Variants in KCNQ5 observed in about 807,000 individuals in gnomAD.
KCNQ5 encodes potassium voltage-gated channel subfamily KQT member 5.
A neutral mutation model predicts 98.2 loss-of-function variants in KCNQ5; 30 were observed. The observed-to-expected ratio is 0.31, with a 90% CI of 0.23 to 0.41. The LOEUF (loss-of-function observed/expected upper bound fraction) is 0.41. Ranked by LOEUF, KCNQ5 falls within the 10% of genes least tolerant of loss-of-function variation. The pLI is 1.00. For synonymous variants in KCNQ5, 458 were observed against 449.4 expected (o/e 1.02, Z -0.24); for missense variants, 835 against 1,182.5 (o/e 0.71, Z 4.31).
At chr6:72,960,695 G>C (rs1287768102) in intron 1 of KCNQ5, among the ~76,000 whole-genome samples, 1 of 152,174 alleles carries the variant, frequency 6.6e-6, no homozygotes, top group Non-Finnish European at 1.5e-5. Flanking sequence ...CAAAGTGCTG[G>C]GATTACAGGT....
chr6:72,922,122 T>C (rs1582021637), intron 1 of KCNQ5, among the ~76,000 whole-genome samples: 2 of 152,194 alleles, frequency 1.3e-5, no homozygotes, highest in African/African-American at 4.8e-5. Context: ...TTCGTATTTG[T>C]GGACATATTT....
chr6:72,919,891 T>G (rs1780316064), intron 1 of KCNQ5, among the ~76,000 whole-genome samples: 1 of 152,150 alleles, frequency 6.6e-6, no homozygotes, highest in South Asian at 2.1e-4. Context: ...GTTTGTCTGT[T>G]TGTCTGTTGC....
intron 1 of KCNQ5, among the ~76,000 whole-genome samples, chr6:72,649,211 G>A (rs1168365009): frequency 1.3e-5 from 2 of 152,076 alleles, no homozygotes; most frequent in African/African-American, 4.8e-5. Flanking sequence ...CTGTTGATGC[G>A]AAGCTAAGGT....
chr6:72,854,862 A>G (rs1158423548), intron 1 of KCNQ5, among the ~76,000 whole-genome samples: 4 of 151,050 alleles, frequency 2.6e-5, no homozygotes, highest in Non-Finnish European at 5.9e-5. Context: ...CAATTTTCCA[A>G]TTCTAATTAC....
intron 10 of KCNQ5, among the ~76,000 whole-genome samples, chr6:73,165,401 G>C (rs1777755749): frequency 6.6e-6 from 1 of 152,166 alleles, no homozygotes; most frequent in Non-Finnish European, 1.5e-5. Context: ...CAGCCACCCA[G>C]CCTGTATATG....
At chr6:73,115,660 T>C (rs1775460297) in intron 7 of KCNQ5, among the ~76,000 whole-genome samples, 1 of 152,204 alleles carries the variant, frequency 6.6e-6, no homozygotes, top group Non-Finnish European at 1.5e-5. Flanking sequence ...CCTAGAACTC[T>C]ATATCCAGCC....
chr6:72,817,754 C>CGTG (rs1443299283), intron 1 of KCNQ5, among the ~76,000 whole-genome samples: 1 of 151,910 alleles, frequency 6.6e-6, no homozygotes, highest in Non-Finnish European at 1.5e-5. Context: ...ATTAGGTGGG[C>CGTG]GTGGTGGCGC....
chr6:72,882,801 G>A (rs923732083), intron 1 of KCNQ5, among the ~76,000 whole-genome samples: 4 of 152,048 alleles, frequency 2.6e-5, no homozygotes, highest in African/African-American at 9.7e-5. Context: ...TCATGTCTCT[G>A]CATTCTGCTG....
At chr6:73,025,067 C>T (rs969135923) in intron 2 of KCNQ5, among the ~76,000 whole-genome samples, 3 of 152,184 alleles carry the variant, frequency 2.0e-5, no homozygotes, top group South Asian at 2.1e-4. Flanking sequence ...CTCCTTTACA[C>T]GCAGTGCTAA....
At chr6:72,750,004 G>GA (rs751411951) in intron 1 of KCNQ5, among the ~76,000 whole-genome samples, 16 of 152,032 alleles carry the variant, frequency 1.1e-4, no homozygotes, top group Non-Finnish European at 1.9e-4. Flanking sequence ...TTTTTAATTG[G>GA]AATGCAAGTA....
chr6:72,891,448 T>A (rs1355638218), intron 1 of KCNQ5, among the ~76,000 whole-genome samples: 1 of 152,148 alleles, frequency 6.6e-6, no homozygotes, highest in Non-Finnish European at 1.5e-5. Context: ...CATACCCAGA[T>A]CACCTATGAT....
At chr6:72,785,628 C>A (rs1561982049) in intron 1 of KCNQ5, among the ~76,000 whole-genome samples, 1 of 145,244 alleles carries the variant, frequency 6.9e-6, no homozygotes, top group African/African-American at 2.6e-5. Flanking sequence ...CCAGCCTGGG[C>A]AACAAGAGCA....
At chr6:73,043,447 C>T (rs544318067) in intron 3 of KCNQ5, among the ~76,000 whole-genome samples, 10 of 152,276 alleles carry the variant, frequency 6.6e-5, no homozygotes, top group Admixed American at 1.3e-4. Context: ...GGTGGTAACT[C>T]CAAGCCTTGC....
intron 2 of KCNQ5, among the ~76,000 whole-genome samples, chr6:73,024,806 CAA>C (rs1329903309): frequency 1.3e-5 from 2 of 152,206 alleles, no homozygotes; most frequent in African/African-American, 4.8e-5. Flanking sequence ...TAACGACATT[CAA>C]GTTGTATGAA....
At chr6:73,144,785 C>T (rs1384514792) in intron 10 of KCNQ5, among the ~76,000 whole-genome samples, 1 of 152,216 alleles carries the variant, frequency 6.6e-6, no homozygotes, top group Non-Finnish European at 1.5e-5. Flanking sequence ...CTGCTCTTTG[C>T]TCATGTGGTC....
At chr6:72,771,271 A>G (rs901789186) in intron 1 of KCNQ5, among the ~76,000 whole-genome samples, 4 of 152,174 alleles carry the variant, frequency 2.6e-5, no homozygotes, top group African/African-American at 9.6e-5. Flanking sequence ...ATGGAAGGGT[A>G]TCCATTTATT....
At chr6:73,014,560 A>G (rs1344500752) in intron 2 of KCNQ5, among the ~76,000 whole-genome samples, 2 of 152,106 alleles carry the variant, frequency 1.3e-5, no homozygotes, top group Admixed American at 6.6e-5. Context: ...CTACATATGC[A>G]TATTTTCTCC....
chr6:72,943,391 A>G (rs939832216), intron 1 of KCNQ5, among the ~76,000 whole-genome samples: 4 of 152,198 alleles, frequency 2.6e-5, no homozygotes, highest in Non-Finnish European at 5.9e-5. Flanking sequence ...TTTGAAGCCT[A>G]AATTACAGAA....
At chr6:72,858,778 A>C (rs1156778401) in intron 1 of KCNQ5, among the ~76,000 whole-genome samples, 1 of 152,126 alleles carries the variant, frequency 6.6e-6, no homozygotes, top group Non-Finnish European at 1.5e-5. Context: ...GGTGGTTATA[A>C]ATCTATGCAT....
Sources: gnomAD v4.1 joint callset for allele counts (sites outside exome capture counted in the v4.1 genomes callset) on GRCh38, gnomAD v4.1.1 for gene constraint, MANE v1.5 for transcripts, NCBI Gene and HGNC (gene_info 2026-07-23, HGNC 2026-07-21) for gene names.